CHD8: variants seen among roughly 807,000 people sequenced by gnomAD.
CHD8 encodes chromodomain helicase DNA binding protein 8.
Under a neutral mutation model 279.2 loss-of-function variants are expected in CHD8, and 31 were observed. The ratio of observed to expected loss-of-function variants is 0.11; its 90% CI spans 0.08 to 0.15. The LOEUF (loss-of-function observed/expected upper bound fraction) is 0.15, where lower values mean the gene tolerates loss of function less well. Ranked by LOEUF, CHD8 falls within the 10% of genes least tolerant of loss-of-function variation. CHD8 has a pLI of 1.00. For synonymous variants in CHD8, 1,081 were observed against 1,139.6 expected (o/e 0.95, Z 1.04); for missense variants, 2,146 against 3,230.5 (o/e 0.66, Z 8.14).
At chr14:21,442,232 G>A (rs1007039911) in intron 1 of CHD8, among the ~76,000 whole-genome samples, 3 of 152,160 alleles carry the variant, frequency 2.0e-5, no homozygotes, top group South Asian at 2.1e-4. Flanking sequence ...ACTGGGAGGC[G>A]GAGGCAGGCA....
chr14:21,405,528 T>C lies in CHD8; in HGVS notation c.3052-64A>G. ...TGAGGGCGAACATTCTCACATTATG[T>C]AGAAACATGGAAAAATTAGAGTTTT... On this transcript the variant is annotated intron_variant, in intron 15 of 37. Transcript: ENST00000646647. This position sits in a 1 kb window ranked among gnomAD's most constrained non-coding sequence, Gnocchi z 4.2. The C allele has an allele frequency of 1.9e-6, 3 of 1,555,246 alleles. No homozygotes were observed. Among genetic ancestry groups the C allele is most frequent in the Non-Finnish European group, 2.6e-6 (3 of 1,152,882 alleles).
chr14:21,393,742 C>A lies in CHD8; in HGVS notation c.6053G>T (p.Ser2018Ile). Reference protein sequence around the residue: ...SPEETATQVPSLESLTLKLEH... With the variant: ...SPEETATQVPILESLTLKLEH... ...TAGCTTTAAAGTCAGACTCTCCAGA[C>A]TGGGGACCTGGGTAGCTGTCTCCTC... Residue 2018 changes from serine (S) to isoleucine (I), a missense_variant, in exon 32 of 38, where the codon AGT (serine) becomes ATT (isoleucine). Transcript: ENST00000646647. 2 of 1,613,900 alleles carry A rather than the reference C, an allele frequency of 1.2e-6. No homozygotes were observed. The highest frequency in any genetic ancestry group is 1.7e-6 in the Non-Finnish European group (2 of 1,179,852).
Position 21,400,638 on chromosome 14 carries a change from AT to A in CHD8, c.4371-27del. 1 of 1,538,072 alleles carries A rather than the reference AT, an allele frequency of 6.5e-7. No homozygotes were observed. The highest frequency in any genetic ancestry group is 1.4e-5 in the African/African-American group (1 of 72,000). ...CTAAAAAACAGAAAACTATATTAAC[AT>A]TTTTCTGAGAAATGACAGTCCCCTG... is the stretch of plus-strand genomic sequence containing the variant. On this transcript the variant is annotated intron_variant, in intron 22 of 37. Coordinates refer to ENST00000646647, the MANE Select transcript of CHD8 (RefSeq NM_001170629.2). The surrounding 1 kb of genome is among the most constrained non-coding windows in gnomAD (Gnocchi z 4.2).
At chr14:21,415,438 G>A (rs1039349652) in intron 7 of CHD8, 136 bp downstream of exon 7, 2 of 422,152 alleles carry the variant, frequency 4.7e-6, no homozygotes, top group Non-Finnish European at 7.6e-6. Flanking sequence ...AGTTCATAGT[G>A]TGCTACGATC....
chr14:21,407,072 GT>G, intron 13 of CHD8, 40 bp from the exon 14 acceptor site: 4 of 1,492,316 alleles, frequency 2.7e-6, no homozygotes, highest in Non-Finnish European at 3.6e-6. Flanking sequence ...AACCAAAAAT[GT>G]ACCTAAATGA....
chr14:21,399,710 A>C lies in CHD8; in HGVS notation c.4818-5T>G. 1 of 1,582,684 alleles carries C rather than the reference A, an allele frequency of 6.3e-7. No homozygotes were observed. The highest frequency in any genetic ancestry group is 8.7e-7 in the Non-Finnish European group (1 of 1,151,514). On this transcript the variant is annotated splice_region_variant and splice_polypyrimidine_tract_variant and intron_variant, in intron 25 of 37. Transcript: ENST00000646647. ...GGGAACCATATGTCAATCTCACTAA[A>C]GGTATAAGAGGGCAGAGTCAGCACA...
chr14:21,417,882 A>T (rs867448705), intron 5 of CHD8, among the ~76,000 whole-genome samples: 42 of 138,872 alleles, frequency 3.0e-4, no homozygotes, highest in African/African-American at 8.5e-4. Flanking sequence ...ATATATATAT[A>T]ATATATATAT....
chr14:21,442,680 AGAGGG>A lies in CHD8; in HGVS notation c.-215-10827_-215-10823del, dbSNP rs1186655989. Among the ~76,000 whole-genome samples the A allele has an allele frequency of 6.5e-3, 377 of 57,936 alleles. 27 individuals carry two copies. Among genetic ancestry groups the A allele is most frequent in the African/African-American group, 0.03 (354 of 11,740 alleles). The allele number at this position is 57,936 out of a possible 152,430, so 38.0% of individuals were successfully genotyped here. A position where few individuals can be genotyped will look rare whatever the true frequency, so the allele number is the denominator to read the frequency against. On this transcript the variant is annotated intron_variant, in intron 1 of 37. Coordinates refer to ENST00000646647, the MANE Select transcript of CHD8 (RefSeq NM_001170629.2). ...GGAGGAGAGGAGAGGGGAGGAGAGGAGAGGGGAGGGGAGGGGAGGAGAGGAGAGGA... is the reference window on the plus strand; with the variant it reads ...GGAGGAGAGGAGAGGGGAGGAGAGGAGAGGGGAGGGGAGGAGAGGAGAGGA...
At chr14:21,444,528 G>A (rs920565866) in intron 1 of CHD8, among the ~76,000 whole-genome samples, 2 of 152,052 alleles carry the variant, frequency 1.3e-5, no homozygotes, top group Non-Finnish European at 2.9e-5. Context: ...TGCTCTAGAT[G>A]TTCTATGTCA....
chr14:21,430,949 T>C lies in CHD8; in HGVS notation c.695A>G (p.Gln232Arg). The C allele has an allele frequency of 1.9e-6, 3 of 1,599,596 alleles. No homozygotes were observed. Among genetic ancestry groups the C allele is most frequent in the Non-Finnish European group, 2.5e-6 (3 of 1,179,810 alleles). ...TVLAAKVPGNQAAVQRIVQPS... is the reference protein window; with the variant it reads ...TVLAAKVPGNRAAVQRIVQPS... ...CTGGACAATGCGCTGAACAGCAGCCTGGTTCCCAGGGACCTTGGCGGCCAA... is the reference window on the plus strand; with the variant it reads ...CTGGACAATGCGCTGAACAGCAGCCCGGTTCCCAGGGACCTTGGCGGCCAA... The change falls in exon 2 of 38, where the codon CAG (glutamine) becomes CGG (arginine). Residue 232 changes from glutamine to arginine, a missense_variant. Physicochemically the swap from Gln to Arg is conservative, Grantham distance 43 (BLOSUM62 1). Transcript: ENST00000646647.
Position 21,399,678 on chromosome 14 carries a change from C to T in CHD8, c.4845G>A (p.Val1615=). ...AAGTTGTTGGAACCTCCAGTTGATC[C>T]ACTACTGGGAACCATATGTCAATCT... ...ASEIDIWFPV[V]DQLEVPTTWW... The change falls in exon 26 of 38, where the codon GTG becomes GTA. Residue 1615 remains valine (V), a synonymous_variant. Coordinates refer to ENST00000646647, the MANE Select transcript of CHD8 (RefSeq NM_001170629.2). 1 of 1,612,526 alleles carries T rather than the reference C, an allele frequency of 6.2e-7. No homozygotes were observed. The highest frequency in any genetic ancestry group is 8.5e-7 in the Non-Finnish European group (1 of 1,178,612).
rs780142882 is a variant in CHD8, at chr14:21,397,790, T to TA, written c.5051+32dup. On this transcript the variant is annotated intron_variant, in intron 27 of 37. Transcript: ENST00000646647. ...GCTAGAGTTATTTCACGGCACAAGT[T>TA]AGAGTTTTAAAAGAACAAATACTAA... 10 of 1,605,344 alleles carry TA rather than the reference T, an allele frequency of 6.2e-6. No homozygotes were observed. The South Asian group carries it at 6.6e-5, about 11-fold the overall frequency.
chr14:21,392,372 G>A lies in CHD8; in HGVS notation c.6771+135C>T. On this transcript the variant is annotated intron_variant, in intron 34 of 37. Transcript: ENST00000646647. ...CCAGGAAAAATGATTCTTCCTAAAT[G>A]GATCTTTGTAAGCTCTGTTTTCTCA... The A allele has an allele frequency of 4.5e-6, 4 of 888,776 alleles. No individual in the cohort carries two copies. In the South Asian group the frequency reaches 4.8e-5, roughly 11 times the overall value. 55.1% of individuals were successfully genotyped at this position (888,776 alleles called of 1,614,324 possible).
chr14:21,450,504 G>C (rs1890231504), intron 1 of CHD8, among the ~76,000 whole-genome samples: 1 of 151,992 alleles, frequency 6.6e-6, no homozygotes. Context: ...ACAACTCTCA[G>C]CTGAGCACTG....
intron 16 of CHD8, chr14:21,404,836 AT>A: frequency 5.5e-6 from 1 of 181,268 alleles, no homozygotes; most frequent in South Asian, 1.4e-4. Context: ...AATTGTTTTT[AT>A]TTACTTTATT....
At chr14:21,394,547 C>A in intron 30 of CHD8, 62 bp from the exon 31 acceptor site, 2 of 900,802 alleles carry the variant, frequency 2.2e-6, no homozygotes, top group East Asian at 1.1e-4. Context: ...CACAAGAAAA[C>A]TGGTTATTTT....
chr14:21,405,612 A>G lies in CHD8; in HGVS notation c.3051+109T>C. 6.8e-7 allele frequency: 1 copy of G among 1,469,248 alleles called. No homozygotes were observed. The highest frequency in any genetic ancestry group is 9.3e-7 in the Non-Finnish European group (1 of 1,078,440). 91.0% of individuals were successfully genotyped at this position (1,469,248 alleles called of 1,614,324 possible). Reference sequence around the variant, plus strand: ...CCACAAATGATGTAGGCACAAGGTTATAAGGAGTTCAGAAAGGCCCTTGAG... The same window carrying G: ...CCACAAATGATGTAGGCACAAGGTTGTAAGGAGTTCAGAAAGGCCCTTGAG... On this transcript the variant is annotated intron_variant, in intron 15 of 37. Transcript: ENST00000646647. The surrounding 1 kb of genome is among the most constrained non-coding windows in gnomAD (Gnocchi z 4.2).
rs769622502 is a variant in CHD8, at chr14:21,431,281, T to C, written c.363A>G (p.Gln121=). Residue 121 remains glutamine (Q), a synonymous_variant, in exon 2 of 38, where the codon CAA becomes CAG. Transcript: ENST00000646647. Reference sequence around the variant, plus strand: ...TCAGGATCTCCTGGCTCTTGGAGACTTGCAAAAGTCCTGATGTTGGCGTCG... The same window carrying C: ...TCAGGATCTCCTGGCTCTTGGAGACCTGCAAAAGTCCTGATGTTGGCGTCG... ...QTSTPTSGLL[Q]VSKSQEILSQ... The C allele has an allele frequency of 1.5e-4, 233 of 1,582,070 alleles. No individual in the cohort carries two copies. The highest frequency in any genetic ancestry group is 1.9e-4 in the Non-Finnish European group (221 of 1,171,406).
Position 21,385,349 on chromosome 14 carries a change from G to A in CHD8, c.*264C>T. ...GTGGTTAATGGAGGTGACTAGGGAG[G>A]GGTGAGCACACCAGCTGCTCTAGTC... On this transcript the variant is annotated 3_prime_UTR_variant, in exon 38 of 38. Transcript: ENST00000646647. 1 of 510,216 alleles carries A rather than the reference G, an allele frequency of 2.0e-6. No homozygotes were observed. The highest frequency in any genetic ancestry group is 3.4e-6 in the Non-Finnish European group (1 of 293,250). 31.6% of individuals were successfully genotyped at this position (510,216 alleles called of 1,614,324 possible). A position where few individuals can be genotyped will look rare whatever the true frequency, so the allele number is the denominator to read the frequency against.
Sources: gnomAD v4.1 joint callset for allele counts (sites outside exome capture counted in the v4.1 genomes callset) on GRCh38, gnomAD v4.1.1 for gene constraint, Gnocchi (gnomAD v3.1) non-coding constraint, MANE v1.5 for transcripts, NCBI Gene and HGNC (gene_info 2026-07-23, HGNC 2026-07-21) for gene names.